COG7: variants seen among roughly 807,000 people sequenced by gnomAD.
The protein encoded by COG7 is conserved oligomeric Golgi complex subunit 7.
In COG7, 49 loss-of-function variants were observed where a neutral mutation model predicts 91.5. That is an observed-to-expected ratio of 0.54 (90% CI 0.43 to 0.68). COG7 has a LOEUF of 0.68. Ranked by LOEUF, COG7 falls within the 30% of genes least tolerant of loss-of-function variation. The pLI, the probability that COG7 is intolerant of heterozygous loss-of-function variation, is 0.00. For missense variants in COG7, 895 were observed against 961.3 expected, an observed-to-expected ratio of 0.93 and a Z score of 0.91; for synonymous variants, 365 against 388.7, an observed-to-expected ratio of 0.94 and a Z score of 0.72.
chr16:23,403,542 G>T, intron 13 of COG7, 152 bp downstream of exon 13: 1 of 858,510 alleles, frequency 1.2e-6, no homozygotes, highest in African/African-American at 1.7e-5. Flanking sequence ...TAAGCAATGA[G>T]GTGAAATTGG....
At chr16:23,420,568 A>C (rs1385334960) in intron 7 of COG7, among the ~76,000 whole-genome samples, 2 of 151,784 alleles carry the variant, frequency 1.3e-5, no homozygotes, top group East Asian at 3.9e-4. Context: ...TCCCCTCTTT[A>C]TCTAGTTAAC....
At chr16:23,432,408 G>A (rs773922054) in intron 6 of COG7, among the ~76,000 whole-genome samples, 2 of 151,942 alleles carry the variant, frequency 1.3e-5, no homozygotes, top group African/African-American at 2.4e-5. Flanking sequence ...TTGGGGTTTC[G>A]TACATAGCAG....
At chr16:23,409,226 C>A (rs1186327145) in intron 11 of COG7, among the ~76,000 whole-genome samples, 2 of 152,128 alleles carry the variant, frequency 1.3e-5, no homozygotes, top group African/African-American at 4.8e-5. Flanking sequence ...GCAGAGGCAA[C>A]AGGTCAGAAC....
intron 2 of COG7, 112 bp downstream of exon 2, chr16:23,445,701 G>A (rs926646067): frequency 4.7e-6 from 5 of 1,065,658 alleles, no homozygotes; most frequent in African/African-American, 4.7e-5. Context: ...AGAATCTTGA[G>A]TGATGGTTGG....
chr16:23,418,115 G>A (rs1432730210), intron 8 of COG7, among the ~76,000 whole-genome samples: 4 of 152,184 alleles, frequency 2.6e-5, no homozygotes, highest in Admixed American at 6.5e-5. Context: ...ACAAAAGACC[G>A]CCTTAGTAAG....
chr16:23,390,090 C>G (rs1963166309), intron 16 of COG7: 1 of 152,304 alleles, frequency 6.6e-6, no homozygotes, highest in African/African-American at 2.4e-5. Context: ...CTGGGCAGTG[C>G]AACCCAACCC....
chr16:23,439,655 A>G (rs1321128356), intron 4 of COG7, among the ~76,000 whole-genome samples: 1 of 152,228 alleles, frequency 6.6e-6, no homozygotes, highest in African/African-American at 2.4e-5. Context: ...TCAAATTCAT[A>G]GGGACAAAAG....
chr16:23,435,573 T>G (rs931733889), intron 4 of COG7, among the ~76,000 whole-genome samples: 2 of 152,180 alleles, frequency 1.3e-5, no homozygotes, highest in African/African-American at 4.8e-5. Context: ...TGGGTTTCAG[T>G]GCAGTCTCTG....
chr16:23,421,217 A>C (rs892033181), intron 7 of COG7, among the ~76,000 whole-genome samples: 27 of 151,638 alleles, frequency 1.8e-4, no homozygotes, highest in Non-Finnish European at 3.2e-4. Context: ...TTAACTATTA[A>C]AATAATAGAA....
In COG7 at chr16:23,433,581, A is replaced by C. The variant is rs1457415716; in HGVS notation, c.774T>G (p.Leu258=). ...ACTGGATTTGTGTGTGCCAAGCACC[A>C]AGCAAGGCATCATAGAGTCCGGTAA... ...RQLTGLYDAL[L]GAWHTQIQWA... The change falls in exon 6 of 17, where the codon CTT becomes CTG. Residue 258 remains leucine, a synonymous_variant. Transcript: ENST00000307149. 6.2e-7 allele frequency: 1 copy of C among 1,613,988 alleles called. No individual in the cohort carries two copies. Among genetic ancestry groups the C allele is most frequent in the Non-Finnish European group, 8.5e-7 (1 of 1,180,010 alleles).
At chr16:23,444,133 G>A (rs1418525850) in intron 3 of COG7, among the ~76,000 whole-genome samples, 3 of 149,218 alleles carry the variant, frequency 2.0e-5, no homozygotes, top group East Asian at 3.9e-4. Context: ...ATGAGACTCC[G>A]TTTCAAAAGA....
At position 23,388,940 on chromosome 16, in the gene COG7, T is replaced by G. The variant is rs769556611; in HGVS notation, c.2293A>C (p.Met765Leu). Residue 765 changes from methionine (M) to leucine (L), a missense_variant, in exon 17 of 17, where the codon ATG (methionine) becomes CTG (leucine). Transcript: ENST00000307149. ...TGGGGTCAGTAATTCACACTCCGCA[T>G]GGTGGCCACGGTGGTGGCCAGGCGA... ...PRRLATTVAT[M>L]RSVNY is the part of the protein sequence containing the mutation. 1 of 1,613,290 alleles carries G rather than the reference T, an allele frequency of 6.2e-7. No homozygotes were observed. Among genetic ancestry groups the G allele is most frequent in the Non-Finnish European group, 8.5e-7 (1 of 1,179,498 alleles).
chr16:23,393,320 G>A lies in COG7; in HGVS notation c.1915C>T (p.Leu639=), dbSNP rs755269209. 4 of 1,614,070 alleles carry A rather than the reference G, an allele frequency of 2.5e-6. No homozygotes were observed. The highest frequency in any genetic ancestry group is 1.7e-6 in the Non-Finnish European group (2 of 1,179,944). ...TGAGTCACAAATGGCTCAAGATTCA[G>A]GGGGAGGGACATGATGTACTGCCCG... is the stretch of plus-strand genomic sequence containing the variant. ...NIGQYIMSLP[L]NLEPFVTQED... Residue 639 remains leucine, a synonymous_variant, in exon 15 of 17, where the codon CTG becomes TTG. Coordinates refer to ENST00000307149, the MANE Select transcript of COG7 (RefSeq NM_153603.4).
intron 1 of COG7, among the ~76,000 whole-genome samples, chr16:23,450,262 T>C (rs1964245635): frequency 6.6e-6 from 1 of 152,100 alleles, no homozygotes; most frequent in Admixed American, 6.6e-5. Context: ...ATTATTAATG[T>C]CCTTTCCTCT....
At chr16:23,392,868 T>C (rs1374925065) in intron 15 of COG7, among the ~76,000 whole-genome samples, 1 of 151,458 alleles carries the variant, frequency 6.6e-6, no homozygotes, top group Non-Finnish European at 1.5e-5. Context: ...GAGGCGGAGG[T>C]TGTGGTGAGT....
At chr16:23,405,930 C>T (rs914965030) in intron 12 of COG7, 146 bp downstream of exon 12, 5 of 767,438 alleles carry the variant, frequency 6.5e-6, no homozygotes, top group African/African-American at 3.4e-5. Flanking sequence ...CTTAAAATCC[C>T]AACATAAATG....
intron 4 of COG7, among the ~76,000 whole-genome samples, chr16:23,439,950 T>C (rs750154901): frequency 2.0e-5 from 3 of 152,068 alleles, no homozygotes; most frequent in Non-Finnish European, 4.4e-5. Flanking sequence ...TAGGCAATAA[T>C]TGCTTCACAC....
In COG7 at chr16:23,442,550, C is replaced by T; in HGVS notation, c.531G>A (p.Leu177=). The change falls in exon 4 of 17, where the codon TTG becomes TTA. Residue 177 remains leucine (L), a synonymous_variant. Coordinates refer to ENST00000307149, the MANE Select transcript of COG7 (RefSeq NM_153603.4). Reference sequence around the variant, plus strand: ...CCTCCAGCCTGTTCTTCAGTGCCTCCAAGTGCACACACTTTTCTGAGTAGT... The same window carrying T: ...CCTCCAGCCTGTTCTTCAGTGCCTCTAAGTGCACACACTTTTCTGAGTAGT... ...TPDYSEKCVH[L]EALKNRLEAL... 6.2e-7 allele frequency: 1 copy of T among 1,614,118 alleles called. No homozygotes were observed. The highest frequency in any genetic ancestry group is 8.5e-7 in the Non-Finnish European group (1 of 1,179,982).
At chr16:23,418,905 C>A (rs751766541) in intron 7 of COG7, 78 bp from the exon 8 acceptor site, 3 of 1,340,306 alleles carry the variant, frequency 2.2e-6, no homozygotes, top group Admixed American at 1.7e-5. Flanking sequence ...AATCAAGAGG[C>A]GCTCTACTAG....
Sources: gnomAD v4.1 joint callset for allele counts (sites outside exome capture counted in the v4.1 genomes callset) on GRCh38, gnomAD v4.1.1 for gene constraint, MANE v1.5 for transcripts, NCBI Gene and HGNC (gene_info 2026-07-23, HGNC 2026-07-21) for gene names.